RALGPS2: variants seen among roughly 807,000 people sequenced by gnomAD.
RALGPS2 encodes Ral GEF with PH domain and SH3 binding motif 2.
In RALGPS2, 43 loss-of-function variants were observed where a neutral mutation model predicts 86.8. That is an observed-to-expected ratio of 0.50 (90% confidence interval 0.39 to 0.64). RALGPS2 has a LOEUF of 0.64. Ranked by LOEUF, RALGPS2 falls within the 30% of genes least tolerant of loss-of-function variation. RALGPS2 has a pLI of 0.00. For missense variants in RALGPS2, 536 were observed against 694.6 expected, an observed-to-expected ratio of 0.77 and a Z score of 2.57; for synonymous variants, 243 against 231.3, an observed-to-expected ratio of 1.05 and a Z score of -0.46.
intron 4 of RALGPS2, among the ~76,000 whole-genome samples, chr1:178,799,247 G>A (rs967424066): frequency 9.9e-5 from 15 of 152,162 alleles, no homozygotes; most frequent in Middle Eastern, 6.8e-3. Context: ...CACCGTGTTG[G>A]CCAGGCTGGT....
At chr1:178,791,595 G>A (rs889501817) in intron 4 of RALGPS2, among the ~76,000 whole-genome samples, 1 of 152,108 alleles carries the variant, frequency 6.6e-6, no homozygotes, top group African/African-American at 2.4e-5. Context: ...ATTGAACCAC[G>A]CAAGTCTCAG....
chr1:178,810,239 T>C (rs933035245), intron 5 of RALGPS2, among the ~76,000 whole-genome samples: 2 of 151,876 alleles, frequency 1.3e-5, no homozygotes, highest in African/African-American at 2.4e-5. Context: ...ATACAAAAAT[T>C]AGCTGGGCAT....
In RALGPS2 at chr1:178,747,372, G is replaced by A. The variant is rs1651395565; in HGVS notation, c.-84+21953G>A. 59 of 1,531,082 alleles carry A rather than the reference G, an allele frequency of 3.9e-5. 1 individual carries two copies. In the South Asian group the frequency reaches 6.6e-4, roughly 17 times the overall value. 94.8% of individuals were successfully genotyped at this position (1,531,082 alleles called of 1,614,324 possible). A position where few individuals can be genotyped will look rare whatever the true frequency, so the allele number is the denominator to read the frequency against. On this transcript the variant is annotated intron_variant, in intron 1 of 19. Coordinates refer to ENST00000367635, the MANE Select transcript of RALGPS2 (RefSeq NM_152663.5). ...CCACTATTGATATTTTCTAATTGTGGTAGATGTACTGTATAATACGACTTC... is the reference window on the plus strand; with the variant it reads ...CCACTATTGATATTTTCTAATTGTGATAGATGTACTGTATAATACGACTTC...
At chr1:178,913,550 T>C (rs1219880834) in intron 19 of RALGPS2, among the ~76,000 whole-genome samples, 2 of 152,220 alleles carry the variant, frequency 1.3e-5, no homozygotes, top group African/African-American at 4.8e-5. Context: ...AAGAAGACAC[T>C]GTGGTTTTTA....
At chr1:178,780,269 C>A (rs1215907406) in intron 2 of RALGPS2, among the ~76,000 whole-genome samples, 1 of 152,112 alleles carries the variant, frequency 6.6e-6, no homozygotes, top group East Asian at 1.9e-4. Flanking sequence ...TATCTTAGAG[C>A]CTGTCCACTG....
At chr1:178,903,579 C>T (rs1421054672) in intron 18 of RALGPS2, among the ~76,000 whole-genome samples, 1 of 152,168 alleles carries the variant, frequency 6.6e-6, no homozygotes, top group Non-Finnish European at 1.5e-5. Context: ...TTAGCTCCCA[C>T]GTATCAGTGA....
At chr1:178,854,421 C>G (rs1657392396) in intron 8 of RALGPS2, among the ~76,000 whole-genome samples, 1 of 152,090 alleles carries the variant, frequency 6.6e-6, no homozygotes, top group African/African-American at 2.4e-5. Context: ...TGGAAATTCT[C>G]AATGTACATT....
chr1:178,800,678 CAA>C (rs1275138620), intron 4 of RALGPS2, among the ~76,000 whole-genome samples: 1 of 152,082 alleles, frequency 6.6e-6, no homozygotes, highest in Non-Finnish European at 1.5e-5. Flanking sequence ...TTGGGGGAGT[CAA>C]AGGTTATATG....
intron 8 of RALGPS2, chr1:178,852,688 T>A: frequency 6.2e-7 from 1 of 1,612,082 alleles, no homozygotes; most frequent in Admixed American, 1.7e-5. Context: ...CTTACCTGCA[T>A]ACATATCTTT....
At chr1:178,805,356 G>A (rs1466041927) in intron 4 of RALGPS2, among the ~76,000 whole-genome samples, 1 of 151,524 alleles carries the variant, frequency 6.6e-6, no homozygotes, top group Non-Finnish European at 1.5e-5. Context: ...CCTTGCCCAT[G>A]CCTATGTCCT....
Position 178,784,480 on chromosome 1 carries a change from T to G in RALGPS2, c.120T>G (p.Ala40=). The G allele has an allele frequency of 2.5e-6, 4 of 1,606,358 alleles. No homozygotes were observed. Among genetic ancestry groups the G allele is most frequent in the Non-Finnish European group, 3.4e-6 (4 of 1,174,938 alleles). ...KGSELKKSFD[A]VVFDVLKVTP... is the part of the protein sequence containing the mutation. ...CTGAATTGAAGAAAAGCTTTGATGC[T>G]GTGGTATTCGATGTTCTTAAGGTTA... Residue 40 remains alanine (A), a synonymous_variant, in exon 3 of 20, where the codon GCT becomes GCG. Transcript: ENST00000367635.
chr1:178,895,703 GAA>G (rs1200959595), intron 16 of RALGPS2, among the ~76,000 whole-genome samples: 2 of 151,206 alleles, frequency 1.3e-5, no homozygotes, highest in Admixed American at 6.6e-5. Flanking sequence ...ATGTATGAGA[GAA>G]AGAGTGAAAA....
intron 8 of RALGPS2, chr1:178,853,676 C>T: frequency 6.2e-7 from 1 of 1,612,988 alleles, no homozygotes; most frequent in Non-Finnish European, 8.5e-7. Context: ...AGGGTCCAAA[C>T]TGTTTTCACA....
At chr1:178,879,953 G>T (rs1030476896) in intron 10 of RALGPS2, among the ~76,000 whole-genome samples, 3 of 150,606 alleles carry the variant, frequency 2.0e-5, no homozygotes, top group East Asian at 1.9e-4. Flanking sequence ...AAACTGCTGG[G>T]TTTTTTTTTA....
At chr1:178,784,019 T>C (rs1410658127) in intron 2 of RALGPS2, among the ~76,000 whole-genome samples, 3 of 152,158 alleles carry the variant, frequency 2.0e-5, no homozygotes, top group African/African-American at 7.2e-5. Flanking sequence ...TAACTTGTTA[T>C]AAAGCTAGTT....
chr1:178,725,387 C>T lies in RALGPS2; in HGVS notation c.-116C>T. On this transcript the variant is annotated 5_prime_UTR_variant, in exon 1 of 20. Transcript: ENST00000367635. The stretch of plus-strand genomic sequence containing the variant: ...GAAGCGTGAGGCCGGCATCGTCTTT[C>T]CGTCCTCTGAGGCGACGGCCGCGGC... The T allele has an allele frequency of 6.6e-6, 1 of 152,632 alleles. No individual in the cohort carries two copies. Among genetic ancestry groups the T allele is most frequent in the Non-Finnish European group, 1.4e-5 (1 of 69,314 alleles). The allele number at this position is 152,632 out of a possible 1,614,324, so 9.5% of individuals were successfully genotyped here.
chr1:178,766,083 G>A (rs958040929), intron 1 of RALGPS2, among the ~76,000 whole-genome samples: 54 of 152,186 alleles, frequency 3.5e-4, no homozygotes, highest in African/African-American at 1.2e-3. Flanking sequence ...AGTCACAAGA[G>A]TATTGATTGG....
chr1:178,909,604 T>C (rs1462314877), intron 19 of RALGPS2, among the ~76,000 whole-genome samples: 3 of 151,946 alleles, frequency 2.0e-5, no homozygotes, highest in Non-Finnish European at 4.4e-5. Flanking sequence ...CATCTCTGAT[T>C]ACTTTGAGCA....
intron 8 of RALGPS2, among the ~76,000 whole-genome samples, chr1:178,836,266 C>T (rs947894908): frequency 4.6e-5 from 7 of 152,164 alleles, no homozygotes; most frequent in African/African-American, 9.7e-5. Flanking sequence ...ATCATACCTA[C>T]GGGTTAAAGC....
Sources: gnomAD v4.1 joint callset for allele counts (sites outside exome capture counted in the v4.1 genomes callset) on GRCh38, gnomAD v4.1.1 for gene constraint, MANE v1.5 for transcripts, NCBI Gene and HGNC (gene_info 2026-07-23, HGNC 2026-07-21) for gene names.